The following TRIM35 variants were observed in gnomAD, a reference collection of about 807,000 sequenced individuals.
TRIM35 encodes E3 ubiquitin-protein ligase TRIM35.
Under a neutral mutation model 49.1 loss-of-function variants are expected in TRIM35, and 37 were observed. That is an observed-to-expected ratio of 0.75 (90% CI 0.58 to 0.99). The LOEUF (loss-of-function observed/expected upper bound fraction) is 0.99, where lower values mean the gene tolerates loss of function less well. TRIM35 is among the 50% of genes least tolerant of loss of function. The pLI, the probability that TRIM35 is intolerant of heterozygous loss-of-function variation, is 0.00. For missense variants in TRIM35, 648 were observed against 702.7 expected, an observed-to-expected ratio of 0.92 and a Z score of 0.88; for synonymous variants, 302 against 289.3, an observed-to-expected ratio of 1.04 and a Z score of -0.45.
intron 3 of TRIM35, among the ~76,000 whole-genome samples, chr8:27,293,745 T>C (rs1802504210): frequency 6.6e-6 from 1 of 151,954 alleles, no homozygotes; most frequent in Non-Finnish European, 1.5e-5. Context: ...TCCCAGCTAC[T>C]CAGGAGGCTA....
intron 3 of TRIM35, among the ~76,000 whole-genome samples, chr8:27,291,313 A>G (rs1802449262): frequency 1.3e-5 from 2 of 152,204 alleles, no homozygotes; most frequent in East Asian, 1.9e-4. Context: ...AGATGTTCCA[A>G]GTCATTAGCC....
chr8:27,298,383 C>G, intron 2 of TRIM35, 81 bp downstream of exon 2: 1 of 1,400,996 alleles, frequency 7.1e-7, no homozygotes, highest in South Asian at 1.2e-5. Flanking sequence ...TGAGCCAAAG[C>G]CACGGCTGAC....
rs1319907328 is a variant in TRIM35, at chr8:27,294,190, G to C, written c.652C>G (p.Leu218Val). ...TGCTTCATCTTCTCGTCGGCCAGAA[G>C]TTGCTTCTGCCTTGTCTCCTCGGCC... ...AMAEETRQKQ[L>V]LADEKMKQLT... The change falls in exon 3 of 6, where the codon CTT (leucine) becomes GTT (valine). Residue 218 changes from leucine (L) to valine (V), a missense_variant. By Grantham distance (32) the Leu-to-Val change is conservative. Transcript: ENST00000305364. 1 of 1,614,246 alleles carries C rather than the reference G, an allele frequency of 6.2e-7. No individual in the cohort carries two copies. Among genetic ancestry groups the C allele is most frequent in the Non-Finnish European group, 8.5e-7 (1 of 1,180,050 alleles).
chr8:27,310,728 C>G, intron 1 of TRIM35, 73 bp downstream of exon 1: 1 of 1,473,778 alleles, frequency 6.8e-7, no homozygotes, highest in Non-Finnish European at 9.1e-7. Context: ...GCAGGAGGGG[C>G]GGGAGCCGCA....
chr8:27,298,893 G>C (rs1802627795), intron 1 of TRIM35, among the ~76,000 whole-genome samples: 1 of 152,146 alleles, frequency 6.6e-6, no homozygotes, highest in Non-Finnish European at 1.5e-5. Context: ...CCAAAAGCTG[G>C]TTCATGCTGG....
Position 27,287,379 on chromosome 8 carries a change from C to G in TRIM35, c.*171G>C. The G allele has an allele frequency of 1.3e-6, 1 of 743,530 alleles. No homozygotes were observed. Among genetic ancestry groups the G allele is most frequent in the Non-Finnish European group, 2.1e-6 (1 of 470,410 alleles). 46.1% of individuals were successfully genotyped at this position (743,530 alleles called of 1,614,324 possible). ...TCCTGACCATGGGCACAGAAGGGAC[C>G]AAACATGGAGAGAGGCACAGCCTGG... On this transcript the variant is annotated 3_prime_UTR_variant, in exon 6 of 6. Coordinates refer to ENST00000305364, the MANE Select transcript of TRIM35 (RefSeq NM_171982.5). This position sits in a 1 kb window ranked among gnomAD's most constrained non-coding sequence, Gnocchi z 6.0.
Position 27,287,421 on chromosome 8 carries a change from CA to C in TRIM35, c.*128del. 3.0e-6 allele frequency: 3 copies of C among 1,000,238 alleles called. No homozygotes were observed. The highest frequency in any genetic ancestry group is 2.9e-6 in the Non-Finnish European group (2 of 692,554). 62.0% of individuals were successfully genotyped at this position (1,000,238 alleles called of 1,614,324 possible). Reference sequence around the variant, plus strand: ...ACAGCCTGGAGTCATGGAAAAGGACCAGGCAGGACAGGAGGAAGAGCCTGGC... The same window carrying C: ...ACAGCCTGGAGTCATGGAAAAGGACCGGCAGGACAGGAGGAAGAGCCTGGC... On this transcript the variant is annotated 3_prime_UTR_variant, in exon 6 of 6. Transcript: ENST00000305364. The surrounding 1 kb of genome is among the most constrained non-coding windows in gnomAD (Gnocchi z 6.0).
Position 27,286,130 on chromosome 8 carries a change from C to T in TRIM35, c.*1420G>A, listed in dbSNP as rs1198757478. The T allele has an allele frequency of 2.2e-6, 1 of 456,276 alleles. No homozygotes were observed. Among genetic ancestry groups the T allele is most frequent in the Non-Finnish European group, 4.4e-6 (1 of 226,968 alleles). 28.3% of individuals were successfully genotyped at this position (456,276 alleles called of 1,614,324 possible). A position where few individuals can be genotyped will look rare whatever the true frequency, so the allele number is the denominator to read the frequency against. ...GTCAGGAATGTGACCCAGATTTTAA[C>T]ACTGCTCCTAGGAAAAAAAAATATT... On this transcript the variant is annotated 3_prime_UTR_variant, in exon 6 of 6. Coordinates refer to ENST00000305364, the MANE Select transcript of TRIM35 (RefSeq NM_171982.5).
At chr8:27,300,020 G>A (rs111697342) in intron 1 of TRIM35, among the ~76,000 whole-genome samples, 3,040 of 152,312 alleles carry the variant, frequency 0.02, 113 homozygotes, top group African/African-American at 0.069. Context: ...TGTACACCCT[G>A]CCTTCCTCTC....
At chr8:27,291,058 C>CAA (rs56953962) in intron 3 of TRIM35, among the ~76,000 whole-genome samples, 31 of 50,564 alleles carry the variant, frequency 6.1e-4, no homozygotes, top group East Asian at 1.3e-3. Flanking sequence ...TGTTGACATG[C>CAA]AAAAAAAAAA....
chr8:27,310,513 G>A (rs13253058), intron 1 of TRIM35, among the ~76,000 whole-genome samples: 52,585 of 152,286 alleles, frequency 0.35, 10,822 homozygotes, highest in Non-Finnish European at 0.46. Context: ...GGCACAAGGG[G>A]TGCATGGCCT....
At position 27,304,276 on chromosome 8, in the gene TRIM35, A is replaced by C. The variant is rs190024575; in HGVS notation, c.436-5717T>G. 6.6e-5 allele frequency among the ~76,000 whole-genome samples: 10 copies of C among 152,378 alleles called. No homozygotes were observed. The East Asian group carries it at 1.4e-3, about 21-fold the overall frequency. The stretch of plus-strand genomic sequence containing the variant: ...CACAAGGTCTTCATAGCCTCTTTGC[A>C]AGGACTTACCAAAGTGCTAGAGTTG... On this transcript the variant is annotated intron_variant, in intron 1 of 5. Transcript: ENST00000305364.
intron 1 of TRIM35, among the ~76,000 whole-genome samples, chr8:27,308,830 C>T (rs576106345): frequency 2.4e-4 from 37 of 152,184 alleles, no homozygotes; most frequent in Non-Finnish European, 4.9e-4. Flanking sequence ...CTGCTAAAAC[C>T]CCCAGCTGCT....
intron 1 of TRIM35, among the ~76,000 whole-genome samples, chr8:27,310,020 T>A (rs1266326687): frequency 6.6e-6 from 1 of 151,362 alleles, no homozygotes; most frequent in African/African-American, 2.4e-5. Context: ...ACAGAAAATA[T>A]CAGAGTGCCA....
rs900342601 is a variant in TRIM35 at position 27,294,172 on chromosome 8, T to C, written c.670A>G (p.Met224Val). 7 of 1,614,122 alleles carry C rather than the reference T, an allele frequency of 4.3e-6. No homozygotes were observed. The African/African-American group carries it at 9.3e-5, about 22-fold the overall frequency. Residue 224 changes from methionine to valine, a missense_variant, in exon 3 of 6, where the codon ATG becomes GTG. Physicochemically the swap from Met to Val is conservative, Grantham distance 21. Transcript: ENST00000305364. ...TCCGTCTCCTCTGTGAGCTGCTTCA[T>C]CTTCTCGTCGGCCAGAAGTTGCTTC... ...RQKQLLADEK[M>V]KQLTEETEVL...
rs1424979563 is a variant in TRIM35 at position 27,290,028 on chromosome 8, G to T, written c.785+128C>A. Reference sequence around the variant, plus strand: ...TGTCCACCTCTCCCTCTAAAACCAGGGCCAGTAGCTCATGTGTGCTGGTGC... The same window carrying T: ...TGTCCACCTCTCCCTCTAAAACCAGTGCCAGTAGCTCATGTGTGCTGGTGC... On this transcript the variant is annotated intron_variant, in intron 4 of 5. Transcript: ENST00000305364. 3 of 1,043,028 alleles carry T rather than the reference G, an allele frequency of 2.9e-6. No homozygotes were observed. In the South Asian group the frequency reaches 4.3e-5, roughly 15 times the overall value. 64.6% of individuals were successfully genotyped at this position (1,043,028 alleles called of 1,614,324 possible). A position where few individuals can be genotyped will look rare whatever the true frequency, so the allele number is the denominator to read the frequency against.
chr8:27,291,759 A>G (rs988922475), intron 3 of TRIM35, among the ~76,000 whole-genome samples: 2 of 152,242 alleles, frequency 1.3e-5, no homozygotes, highest in African/African-American at 4.8e-5. Flanking sequence ...AAAGTCCAAG[A>G]GCATGGCACC....
rs949982724 is a variant in TRIM35, at chr8:27,286,344, C to G, written c.*1206G>C. Reference sequence around the variant, plus strand: ...CAGCAGAGACAAGAGGGCAGCGAGGCCCAGCCTCCTCTTCCCTCTCCCACA... The same window carrying G: ...CAGCAGAGACAAGAGGGCAGCGAGGGCCAGCCTCCTCTTCCCTCTCCCACA... On this transcript the variant is annotated 3_prime_UTR_variant, in exon 6 of 6. Coordinates refer to ENST00000305364, the MANE Select transcript of TRIM35 (RefSeq NM_171982.5). 2.8e-6 allele frequency: 1 copy of G among 361,582 alleles called. No homozygotes were observed. The highest frequency in any genetic ancestry group is 2.1e-5 in the African/African-American group (1 of 46,960). 22.4% of individuals were successfully genotyped at this position (361,582 alleles called of 1,614,324 possible).
intron 1 of TRIM35, among the ~76,000 whole-genome samples, chr8:27,300,321 T>C (rs1802657197): frequency 1.3e-5 from 2 of 152,222 alleles, no homozygotes; most frequent in South Asian, 4.1e-4. Context: ...GCCCAATTCC[T>C]GACCCACAGA....
Sources: gnomAD v4.1 joint callset for allele counts (sites outside exome capture counted in the v4.1 genomes callset) on GRCh38, gnomAD v4.1.1 for gene constraint, Gnocchi (gnomAD v3.1) non-coding constraint, MANE v1.5 for transcripts, NCBI Gene and HGNC (gene_info 2026-07-23, HGNC 2026-07-21) for gene names.